The following FAT3 variants were observed in gnomAD, a reference collection of about 807,000 sequenced individuals.
FAT3 encodes the protein protocadherin Fat 3.
A neutral mutation model predicts 310.2 loss-of-function variants in FAT3; 95 were observed. The observed-to-expected ratio is 0.31, with a 90% confidence interval of 0.26 to 0.36. FAT3 has a LOEUF of 0.36. Ranked by LOEUF, FAT3 falls within the 10% of genes least tolerant of loss-of-function variation. The pLI is 1.00. For synonymous variants in FAT3, 2,314 were observed against 2,192.9 expected (o/e 1.06, Z -1.54); for missense variants, 5,408 against 5,715.6 (o/e 0.95, Z 1.74).
chr11:92,578,331 G>A (rs772710006), intron 3 of FAT3, among the ~76,000 whole-genome samples: 22 of 152,018 alleles, frequency 1.4e-4, no homozygotes, highest in Non-Finnish European at 2.8e-4. Flanking sequence ...GGTCTTGAGG[G>A]TGGTTTGCTT....
intron 2 of FAT3, among the ~76,000 whole-genome samples, chr11:92,369,104 A>AT (rs1276860447): frequency 6.6e-6 from 1 of 152,120 alleles, no homozygotes; most frequent in Admixed American, 6.6e-5. Flanking sequence ...ACCTAATGTG[A>AT]TGTAAAATGT....
intron 2 of FAT3, among the ~76,000 whole-genome samples, chr11:92,390,723 T>C (rs1347237926): frequency 6.6e-6 from 1 of 152,142 alleles, no homozygotes; most frequent in Non-Finnish European, 1.5e-5. Flanking sequence ...TGAAGAATAC[T>C]CTAATATGGC....
chr11:92,812,777 T>C (rs1947714268), intron 13 of FAT3, among the ~76,000 whole-genome samples: 1 of 152,184 alleles, frequency 6.6e-6, no homozygotes, highest in South Asian at 2.1e-4. Flanking sequence ...TCCTTGACAC[T>C]GGCCACAGCA....
chr11:92,575,154 T>C (rs953612862), intron 3 of FAT3, among the ~76,000 whole-genome samples: 4 of 152,172 alleles, frequency 2.6e-5, no homozygotes, highest in African/African-American at 9.7e-5. Flanking sequence ...AGGTATTTCA[T>C]GAATTTGGGG....
chr11:92,808,092 A>G (rs1299963998), intron 12 of FAT3, among the ~76,000 whole-genome samples: 2 of 152,192 alleles, frequency 1.3e-5, no homozygotes, highest in Non-Finnish European at 1.5e-5. Context: ...CCTGGTGATT[A>G]TTTATTCAAA....
At chr11:92,630,091 T>C (rs948081192) in intron 3 of FAT3, among the ~76,000 whole-genome samples, 1 of 152,124 alleles carries the variant, frequency 6.6e-6, no homozygotes, top group African/African-American at 2.4e-5. Context: ...GGCTTCTACC[T>C]CTCTTGTGTG....
intron 5 of FAT3, among the ~76,000 whole-genome samples, chr11:92,764,097 C>A (rs1946237744): frequency 6.6e-6 from 1 of 152,026 alleles, no homozygotes; most frequent in African/African-American, 2.4e-5. Context: ...CCATTTGAGT[C>A]CAGGGTTCAC....
At position 92,693,565 on chromosome 11, in the gene FAT3, A is replaced by G. The variant is rs540128875; in HGVS notation, c.3608-3819A>G. ...TACAACAAAGTTATTATAAATGAAG[A>G]GGTAGCACTGGTCATTTTAACTAAT... On this transcript the variant is annotated intron_variant, in intron 3 of 27. Coordinates refer to ENST00000525166, the MANE Select transcript of FAT3 (RefSeq NM_001367949.2). Among the ~76,000 whole-genome samples the G allele has an allele frequency of 5.3e-5, 8 of 152,300 alleles. No homozygotes were observed. In the South Asian group the frequency reaches 1.2e-3, roughly 24 times the overall value.
intron 1 of FAT3, among the ~76,000 whole-genome samples, chr11:92,233,740 G>A (rs1590983279): frequency 6.6e-6 from 1 of 152,166 alleles, no homozygotes; most frequent in South Asian, 2.1e-4. Context: ...AATGGGAAAT[G>A]TAAGACAAAA....
chr11:92,382,175 A>G (rs1241590709), intron 2 of FAT3, among the ~76,000 whole-genome samples: 1 of 152,180 alleles, frequency 6.6e-6, no homozygotes, highest in African/African-American at 2.4e-5. Context: ...TCAGTATTTA[A>G]TAGTAAAAAG....
intron 2 of FAT3, among the ~76,000 whole-genome samples, chr11:92,465,827 C>T (rs577226000): frequency 9.3e-5 from 14 of 151,076 alleles, no homozygotes; most frequent in African/African-American, 2.4e-4. Context: ...CAAACCTGCA[C>T]GTTGTAAAAC....
intron 1 of FAT3, among the ~76,000 whole-genome samples, chr11:92,346,102 A>G (rs1948412613): frequency 1.3e-5 from 2 of 152,216 alleles, no homozygotes; most frequent in South Asian, 2.1e-4. Context: ...ATTAGCACCA[A>G]CCAGGGAGTA....
chr11:92,858,484 TC>T (rs1400641622), intron 20 of FAT3, among the ~76,000 whole-genome samples: 3 of 152,126 alleles, frequency 2.0e-5, no homozygotes, highest in East Asian at 3.9e-4. Context: ...ATTCCACCTT[TC>T]CCCCCAGCAA....
intron 2 of FAT3, among the ~76,000 whole-genome samples, chr11:92,472,626 A>G (rs986180529): frequency 1.4e-4 from 22 of 152,362 alleles, no homozygotes; most frequent in African/African-American, 5.3e-4. Flanking sequence ...TATATAGCAT[A>G]CAGTACCATG....
chr11:92,255,418 G>A (rs1331120913), intron 1 of FAT3, among the ~76,000 whole-genome samples: 1 of 150,646 alleles, frequency 6.6e-6, no homozygotes, highest in African/African-American at 2.4e-5. Flanking sequence ...CTACCTCATT[G>A]GATACTCACT....
At position 92,798,658 on chromosome 11, in the gene FAT3, T is replaced by C. The variant is rs369822470; in HGVS notation, c.5645T>C (p.Val1882Ala). ...EVTDVNDNPP[V>A]FTQAVFETIL... is the part of the protein sequence containing the mutation. Reference sequence around the variant, plus strand: ...ACAGATGTGAATGATAACCCACCTGTTTTTACTCAGGCTGTGTTTGAGACT... The same window carrying C: ...ACAGATGTGAATGATAACCCACCTGCTTTTACTCAGGCTGTGTTTGAGACT... Residue 1882 changes from valine to alanine, a missense_variant, in exon 10 of 28, where the codon GTT (valine) becomes GCT (alanine). Val to Ala is a moderately conservative substitution (Grantham distance 64). Around this residue, in one of 5 missense-constraint regions of FAT3, gnomAD observed 4,588 missense variants for 4,809.8 expected, o/e 0.95. Transcript: ENST00000525166. 5 of 1,613,580 alleles carry C rather than the reference T, an allele frequency of 3.1e-6. No individual in the cohort carries two copies. In the African/African-American group the frequency reaches 6.7e-5, roughly 22 times the overall value.
intron 3 of FAT3, among the ~76,000 whole-genome samples, chr11:92,535,035 C>A (rs1265861199): frequency 6.6e-6 from 1 of 152,120 alleles, no homozygotes; most frequent in Non-Finnish European, 1.5e-5. Context: ...CATTCCTTCC[C>A]TCTAGGTATA....
rs777718057 is a variant in FAT3, at chr11:92,354,502, A to C, written c.2390A>C (p.Tyr797Ser). Residue 797 changes from tyrosine to serine, a missense_variant, in exon 2 of 28, where the codon TAT (tyrosine) becomes TCT (serine). Transcript: ENST00000525166. Reference sequence around the variant, plus strand: ...ATGGATCGAGAACACACAGACCTCTATCTCCTTAATATCACCATCTATGAC... The same window carrying C: ...ATGGATCGAGAACACACAGACCTCTCTCTCCTTAATATCACCATCTATGAC... Reference protein sequence around the residue: ...MPMDREHTDLYLLNITIYDLG... With the variant: ...MPMDREHTDLSLLNITIYDLG... The C allele has an allele frequency of 6.2e-7, 1 of 1,613,756 alleles. No individual in the cohort carries two copies. The highest frequency in any genetic ancestry group is 1.3e-5 in the African/African-American group (1 of 74,920).
At chr11:92,407,563 A>G (rs1297676616) in intron 2 of FAT3, among the ~76,000 whole-genome samples, 1 of 152,146 alleles carries the variant, frequency 6.6e-6, no homozygotes, top group Non-Finnish European at 1.5e-5. Flanking sequence ...TTGAGAGGAA[A>G]TGCCCTTGAT....
Sources: gnomAD v4.1 joint callset for allele counts (sites outside exome capture counted in the v4.1 genomes callset) on GRCh38, gnomAD v4.1.1 for gene constraint, gnomAD v4.1.1 regional missense constraint, MANE v1.5 for transcripts, NCBI Gene and HGNC (gene_info 2026-07-23, HGNC 2026-07-21) for gene names.